The following PIP5K1B variants were observed in gnomAD, a reference collection of about 807,000 sequenced individuals.
The protein encoded by PIP5K1B is phosphatidylinositol-4-phosphate 5-kinase type 1 beta, also known as phosphatidylinositol 4-phosphate 5-kinase type-1 beta.
In PIP5K1B, 42 loss-of-function variants were observed where a neutral mutation model predicts 67.0. The observed-to-expected ratio is 0.63, with a 90% CI of 0.49 to 0.81. PIP5K1B has a LOEUF of 0.81. PIP5K1B is among the 30% of genes least tolerant of loss of function. The pLI is 0.00. For missense variants in PIP5K1B, 459 were observed against 646.3 expected (o/e 0.71, Z 3.14); for synonymous variants, 214 against 231.4 (o/e 0.92, Z 0.68).
chr9:68,745,044 G>A (rs1829219440), intron 2 of PIP5K1B, among the ~76,000 whole-genome samples: 1 of 152,134 alleles, frequency 6.6e-6, no homozygotes, highest in Non-Finnish European at 1.5e-5. Flanking sequence ...CTGCTCCCAG[G>A]GCAACTGTCG....
chr9:68,937,004 C>T (rs1827295998), intron 13 of PIP5K1B, among the ~76,000 whole-genome samples: 2 of 152,172 alleles, frequency 1.3e-5, no homozygotes, highest in Non-Finnish European at 2.9e-5. Context: ...CCGCTAGATT[C>T]GGTTTGCCAG....
chr9:68,884,990 C>T (rs982727119), intron 6 of PIP5K1B, among the ~76,000 whole-genome samples: 1 of 152,082 alleles, frequency 6.6e-6, no homozygotes, highest in Admixed American at 6.6e-5. Context: ...ATCAGTATGG[C>T]GAAGAGATGT....
chr9:68,971,024 T>C (rs933177319), intron 14 of PIP5K1B, among the ~76,000 whole-genome samples: 7 of 152,214 alleles, frequency 4.6e-5, no homozygotes, highest in Non-Finnish European at 1.0e-4. Context: ...TATTATACTT[T>C]AAGTTCTGGG....
chr9:68,742,813 A>G (rs1413301469), intron 2 of PIP5K1B, among the ~76,000 whole-genome samples, 156 bp downstream of exon 2: 1 of 152,208 alleles, frequency 6.6e-6, no homozygotes, highest in African/African-American at 2.4e-5. Context: ...AGCCTGTAGA[A>G]AGAGGTGCCC....
intron 4 of PIP5K1B, among the ~76,000 whole-genome samples, chr9:68,862,552 G>T (rs952624527): frequency 1.3e-5 from 2 of 152,156 alleles, no homozygotes; most frequent in African/African-American, 4.8e-5. Context: ...ACAGCACTTT[G>T]GGGCTGAGGT....
At chr9:68,956,089 G>A (rs930756833) in intron 14 of PIP5K1B, among the ~76,000 whole-genome samples, 4 of 152,180 alleles carry the variant, frequency 2.6e-5, no homozygotes, top group Non-Finnish European at 5.9e-5. Flanking sequence ...TGACCCATAA[G>A]ATGAACTTCT....
At chr9:68,822,718 C>T (rs764763222) in intron 4 of PIP5K1B, 35 bp downstream of exon 4, 4 of 1,446,920 alleles carry the variant, frequency 2.8e-6, no homozygotes, top group African/African-American at 1.4e-5. Context: ...AGAGGAACAC[C>T]GTTTTGCTGT....
rs1587663134 is a variant in PIP5K1B at position 68,917,136 on chromosome 9, G to C, written c.772-412G>C. 2.0e-5 allele frequency among the ~76,000 whole-genome samples: 3 copies of C among 152,134 alleles called. No individual in the cohort carries two copies. The South Asian group carries it at 6.2e-4, about 32-fold the overall frequency. On this transcript the variant is annotated intron_variant, in intron 8 of 15. Coordinates refer to ENST00000265382, the MANE Select transcript of PIP5K1B (RefSeq NM_003558.4). ...TGTCACTTATGTGCTGTGTGATATT[G>C]AGCAGATTACCTTATCTCTCTGTGC...
intron 2 of PIP5K1B, among the ~76,000 whole-genome samples, chr9:68,801,158 A>G (rs1832582338): frequency 6.6e-6 from 1 of 152,088 alleles, no homozygotes; most frequent in Non-Finnish European, 1.5e-5. Context: ...GTGTGTGAGG[A>G]GGGGATGGAG....
At chr9:68,780,598 C>T (rs145921667) in intron 2 of PIP5K1B, 2 of 1,614,228 alleles carry the variant, frequency 1.2e-6, no homozygotes, top group Non-Finnish European at 1.7e-6. Context: ...GTGTCACCAG[C>T]ACCGTCACCC....
At chr9:68,895,029 C>T (rs556409438) in intron 8 of PIP5K1B, among the ~76,000 whole-genome samples, 6 of 152,138 alleles carry the variant, frequency 3.9e-5, no homozygotes, top group East Asian at 1.9e-4. Context: ...AAGTAAGACT[C>T]GAACTGGGGA....
chr9:68,825,193 C>T (rs568913912), intron 4 of PIP5K1B, among the ~76,000 whole-genome samples: 1 of 152,266 alleles, frequency 6.6e-6, no homozygotes, highest in South Asian at 2.1e-4. Context: ...TTAAATTACT[C>T]ATAAAGAGTA....
At chr9:68,747,189 A>G (rs58591646) in intron 2 of PIP5K1B, among the ~76,000 whole-genome samples, 4,945 of 149,888 alleles carry the variant, frequency 0.033, 278 homozygotes, top group African/African-American at 0.12. Context: ...GGCAGTCTAG[A>G]TTTCCTGGGC....
At chr9:68,829,079 G>A (rs1161394932) in intron 4 of PIP5K1B, among the ~76,000 whole-genome samples, 21 of 152,226 alleles carry the variant, frequency 1.4e-4, no homozygotes, top group Admixed American at 1.4e-3. Context: ...TCCAGCCTGG[G>A]CGACAGAGCA....
rs549650784 is a variant in PIP5K1B, at chr9:68,958,184, T to C, written c.1502+17394T>C. The stretch of plus-strand genomic sequence containing the variant: ...CATCACAACTGGCCAAGGAGCTGTT[T>C]TCTCAAATGCTAAGTTGCCATATAA... On this transcript the variant is annotated intron_variant, in intron 14 of 15. Coordinates refer to ENST00000265382, the MANE Select transcript of PIP5K1B (RefSeq NM_003558.4). 2.0e-5 allele frequency among the ~76,000 whole-genome samples: 3 copies of C among 152,318 alleles called. No individual in the cohort carries two copies. In the South Asian group the frequency reaches 6.2e-4, roughly 32 times the overall value.
intron 2 of PIP5K1B, among the ~76,000 whole-genome samples, chr9:68,799,346 ACTT>A (rs1832466370): frequency 6.6e-6 from 1 of 152,212 alleles, no homozygotes; most frequent in Non-Finnish European, 1.5e-5. Flanking sequence ...TCTTAGTTGC[ACTT>A]CTTATCAAAA....
intron 2 of PIP5K1B, among the ~76,000 whole-genome samples, chr9:68,806,711 T>A (rs1832889265): frequency 1.3e-5 from 2 of 152,176 alleles, no homozygotes; most frequent in South Asian, 2.1e-4. Context: ...CTCTGACATC[T>A]CTCATCCATG....
At chr9:68,715,624 C>A (rs1208210816) in intron 1 of PIP5K1B, among the ~76,000 whole-genome samples, 1 of 152,184 alleles carries the variant, frequency 6.6e-6, no homozygotes, top group African/African-American at 2.4e-5. Context: ...TCCTCGCCCC[C>A]ACCAGCTGCT....
At chr9:68,774,457 A>G (rs759642362) in intron 2 of PIP5K1B, among the ~76,000 whole-genome samples, 1 of 152,176 alleles carries the variant, frequency 6.6e-6, no homozygotes, top group Non-Finnish European at 1.5e-5. Context: ...ATTGAAGTAC[A>G]TACATTCTTA....
Sources: gnomAD v4.1 joint callset for allele counts (sites outside exome capture counted in the v4.1 genomes callset) on GRCh38, gnomAD v4.1.1 for gene constraint, MANE v1.5 for transcripts, NCBI Gene and HGNC (gene_info 2026-07-23, HGNC 2026-07-21) for gene names.